HSD17B12: variants seen among roughly 807,000 people sequenced by gnomAD.
The protein encoded by HSD17B12 is hydroxysteroid 17-beta dehydrogenase 12.
HSD17B12 carries 32 observed loss-of-function variants against 39.3 expected under a neutral mutation model. The ratio of observed to expected loss-of-function variants is 0.81; its 90% CI spans 0.61 to 1.09. The LOEUF is 1.09. HSD17B12 is among the 50% of genes least tolerant of loss of function. The pLI, the probability that HSD17B12 is intolerant of heterozygous loss-of-function variation, is 0.00. For synonymous variants in HSD17B12, 150 were observed against 146.7 expected (o/e 1.02, Z -0.16); for missense variants, 342 against 382.9 (o/e 0.89, Z 0.89).
At chr11:43,601,399 T>G in the HSD17B12 span, among the ~76,000 whole-genome samples, 2 of 152,148 alleles carry the variant, frequency 1.3e-5, no homozygotes, top group Admixed American at 1.3e-4. Context: ...AGTAGTCCTA[T>G]CCATAGTATG....
Position 43,707,282 on chromosome 11 carries a change from A to G in HSD17B12, c.160+26295A>G, listed in dbSNP as rs374840975. On this transcript the variant is annotated intron_variant, in intron 1 of 10. Transcript: ENST00000278353. Reference sequence around the variant, plus strand: ...AGACATTTGGTAAGTTTGGTGGTGAAACGTACTAAGAAGAAAAATAAAGTA... The same window carrying G: ...AGACATTTGGTAAGTTTGGTGGTGAGACGTACTAAGAAGAAAAATAAAGTA... 2.0e-5 allele frequency among the ~76,000 whole-genome samples: 3 copies of G among 152,228 alleles called. No homozygotes were observed. In the East Asian group the frequency reaches 5.8e-4, roughly 29 times the overall value.
At chr11:43,757,884 A>G (rs1950525709) in intron 3 of HSD17B12, among the ~76,000 whole-genome samples, 2 of 152,138 alleles carry the variant, frequency 1.3e-5, no homozygotes, top group South Asian at 4.1e-4. Context: ...CCCATATAAC[A>G]GCACTCCAGT....
chr11:43,706,834 T>C (rs146594382), intron 1 of HSD17B12, among the ~76,000 whole-genome samples: 1 of 152,092 alleles, frequency 6.6e-6, no homozygotes, highest in Non-Finnish European at 1.5e-5. Context: ...TTATGCTGAC[T>C]AGTAAAATAA....
the HSD17B12 span, among the ~76,000 whole-genome samples, chr11:43,662,199 C>CTTT: frequency 8.0e-6 from 1 of 124,758 alleles, no homozygotes; most frequent in Non-Finnish European, 1.7e-5. Flanking sequence ...GCCCACGTCT[C>CTTT]TTTTTTTTTT....
chr11:43,751,212 A>G (rs1254931832), intron 2 of HSD17B12, among the ~76,000 whole-genome samples: 1 of 152,192 alleles, frequency 6.6e-6, no homozygotes, highest in Non-Finnish European at 1.5e-5. Flanking sequence ...GGAACAATTT[A>G]GTGTAATTTT....
chr11:43,822,288 G>T lies in HSD17B12; in HGVS notation c.501+5897G>T, dbSNP rs928253251. 9.2e-5 allele frequency among the ~76,000 whole-genome samples: 14 copies of T among 152,108 alleles called. No homozygotes were observed. In the East Asian group the frequency reaches 2.5e-3, roughly 27 times the overall value. On this transcript the variant is annotated intron_variant, in intron 6 of 10. Coordinates refer to ENST00000278353, the MANE Select transcript of HSD17B12 (RefSeq NM_016142.3). ...ATGGGGAAGAGCATCTCAAGCAGGG[G>T]GTTATATAGTAATTTCTTTTTACTT...
chr11:43,719,820 T>C (rs1403752430), intron 1 of HSD17B12, among the ~76,000 whole-genome samples: 1 of 152,146 alleles, frequency 6.6e-6, no homozygotes, highest in Non-Finnish European at 1.5e-5. Flanking sequence ...CTATGTGAAG[T>C]TGGGAACCCA....
chr11:43,597,486 A>G, the HSD17B12 span, among the ~76,000 whole-genome samples: 3 of 152,100 alleles, frequency 2.0e-5, no homozygotes. Flanking sequence ...GGCACAGGAG[A>G]GCCACCGAAG....
rs147962977 is a variant in HSD17B12 at position 43,706,689 on chromosome 11, GGT to G, written c.160+25733_160+25734del. Among the ~76,000 whole-genome samples, 340 of 137,582 alleles carry G rather than the reference GGT, an allele frequency of 2.5e-3. 1 individual carries two copies. The highest frequency in any genetic ancestry group is 0.011 in the East Asian group (52 of 4,876). The allele number at this position is 137,582 out of a possible 152,430, so 90.3% of individuals were successfully genotyped here. A position where few individuals can be genotyped will look rare whatever the true frequency, so the allele number is the denominator to read the frequency against. On this transcript the variant is annotated intron_variant, in intron 1 of 10. Coordinates refer to ENST00000278353, the MANE Select transcript of HSD17B12 (RefSeq NM_016142.3). ...TCAAGCTTTGCTCTGTGAATGAAGG[GGT>G]GTGTGTGTGTGTGTGTGTGTGTGTG... is the stretch of plus-strand genomic sequence containing the variant.
intron 4 of HSD17B12, among the ~76,000 whole-genome samples, chr11:43,815,022 C>T (rs866226742): frequency 3.9e-5 from 6 of 152,156 alleles, no homozygotes; most frequent in African/African-American, 1.2e-4. Flanking sequence ...TTTCTGAAAA[C>T]TGTTATAACT....
At chr11:43,805,389 T>C (rs1951008411) in intron 4 of HSD17B12, among the ~76,000 whole-genome samples, 2 of 152,104 alleles carry the variant, frequency 1.3e-5, no homozygotes, top group South Asian at 2.1e-4. Context: ...CATTTTAAAA[T>C]GGAGAACAAT....
At chr11:43,566,536 T>TC in the HSD17B12 span, among the ~76,000 whole-genome samples, 4 of 127,914 alleles carry the variant, frequency 3.1e-5, no homozygotes, top group East Asian at 2.1e-3. Flanking sequence ...ACCCAGAACT[T>TC]TTTTTTTTTT....
the HSD17B12 span, chr11:43,645,778 AGACCAGCCT>A: frequency 6.6e-6 from 1 of 152,472 alleles, no homozygotes; most frequent in African/African-American, 2.4e-5. Context: ...CAGGAGTTTG[AGACCAGCCT>A]GGCCAACATG....
chr11:43,772,395 GT>G (rs949917695), intron 3 of HSD17B12, among the ~76,000 whole-genome samples: 2 of 151,846 alleles, frequency 1.3e-5, no homozygotes, highest in South Asian at 2.1e-4. Flanking sequence ...AAATTTTGGG[GT>G]TTTTTTTGGC....
At chr11:43,672,705 T>C in the HSD17B12 span, among the ~76,000 whole-genome samples, 1 of 151,882 alleles carries the variant, frequency 6.6e-6, no homozygotes, top group South Asian at 2.1e-4. Flanking sequence ...CACACCCGGC[T>C]CATTTTTGTG....
chr11:43,571,402 G>T, the HSD17B12 span, among the ~76,000 whole-genome samples: 1 of 152,100 alleles, frequency 6.6e-6, no homozygotes, highest in Non-Finnish European at 1.5e-5. Context: ...CCTATCATGT[G>T]CTTGCTTTAG....
At chr11:43,715,105 A>T (rs193146519) in intron 1 of HSD17B12, among the ~76,000 whole-genome samples, 149 of 152,230 alleles carry the variant, frequency 9.8e-4, no homozygotes, top group African/African-American at 3.5e-3. Context: ...TCCTAATTGA[A>T]TACTCTTTAT....
At chr11:43,779,799 T>C (rs1950746769) in intron 3 of HSD17B12, among the ~76,000 whole-genome samples, 4 of 152,214 alleles carry the variant, frequency 2.6e-5, no homozygotes, top group Admixed American at 2.0e-4. Context: ...AGGCAAAATA[T>C]TTTCCACATG....
chr11:43,846,440 G>C (rs1219192749), intron 9 of HSD17B12, among the ~76,000 whole-genome samples: 2 of 152,222 alleles, frequency 1.3e-5, no homozygotes, highest in Admixed American at 1.3e-4. Context: ...GAGGCAGGCA[G>C]ATCACTTGAG....
Sources: gnomAD v4.1 joint callset for allele counts (sites outside exome capture counted in the v4.1 genomes callset) on GRCh38, gnomAD v4.1.1 for gene constraint, MANE v1.5 for transcripts, NCBI Gene and HGNC (gene_info 2026-07-23, HGNC 2026-07-21) for gene names.